The following NTNG2 variants were observed in gnomAD, a reference collection of about 807,000 sequenced individuals.
NTNG2 encodes the protein netrin-G2.
NTNG2 carries 15 observed loss-of-function variants against 47.6 expected under a neutral mutation model. The observed-to-expected ratio is 0.32, with a 90% CI of 0.21 to 0.49. NTNG2 has a LOEUF of 0.49. Ranked by LOEUF, NTNG2 falls within the 20% of genes least tolerant of loss-of-function variation. The pLI is 0.99. For synonymous variants in NTNG2, 307 were observed against 324.6 expected (o/e 0.95, Z 0.58); for missense variants, 578 against 764.6 (o/e 0.76, Z 2.88).
chr9:132,242,836 CACGGCCTGTTTTCTTTCTGTGTTGGGG>C lies in NTNG2; in HGVS notation c.*730_*756del, dbSNP rs946459782. On this transcript the variant is annotated 3_prime_UTR_variant, in exon 8 of 8. Coordinates refer to ENST00000393229, the MANE Select transcript of NTNG2 (RefSeq NM_032536.4). This position sits in a 1 kb window ranked among gnomAD's most constrained non-coding sequence, Gnocchi z 5.9. ...TAAAGAGTTTGCTCACTGCTGCCTC[CACGGCCTGTTTTCTTTCTGTGTTGGGG>C]ACGGTGGGCAGGTGTGGGGCTTACA... 6.6e-6 allele frequency: 1 copy of C among 152,350 alleles called. No individual in the cohort carries two copies. The highest frequency in any genetic ancestry group is 1.5e-5 in the Non-Finnish European group (1 of 68,124). The allele number at this position is 152,350 out of a possible 1,614,324, so 9.4% of individuals were successfully genotyped here.
At chr9:132,232,902 G>A (rs1259792016) in intron 5 of NTNG2, 4 of 152,398 alleles carry the variant, frequency 2.6e-5, no homozygotes, top group Non-Finnish European at 5.9e-5. Context: ...CCCAGACAGG[G>A]GCAAATGCTG....
intron 2 of NTNG2, among the ~76,000 whole-genome samples, chr9:132,173,230 C>G (rs1314772193): frequency 6.6e-6 from 1 of 152,236 alleles, no homozygotes; most frequent in Non-Finnish European, 1.5e-5. Flanking sequence ...CACTCAGTCT[C>G]TTGAAATGCC....
intron 3 of NTNG2, among the ~76,000 whole-genome samples, chr9:132,203,391 A>T (rs75624134): frequency 0.047 from 7,089 of 152,162 alleles, 459 homozygotes; most frequent in African/African-American, 0.14. Flanking sequence ...AATGAGAAGA[A>T]GATAATGTAC....
chr9:132,213,854 A>G (rs552661450), intron 3 of NTNG2, among the ~76,000 whole-genome samples: 4 of 152,322 alleles, frequency 2.6e-5, no homozygotes, highest in Non-Finnish European at 4.4e-5. Flanking sequence ...CACGACATGT[A>G]ATAATGTGGG....
chr9:132,189,062 GC>G (rs1564399008), intron 2 of NTNG2, among the ~76,000 whole-genome samples: 2 of 87,262 alleles, frequency 2.3e-5, no homozygotes, highest in Admixed American at 1.1e-4. Flanking sequence ...AAGGCTTTAA[GC>G]CTTTCTTTTT....
At chr9:132,217,111 C>A (rs1026072968) in intron 3 of NTNG2, among the ~76,000 whole-genome samples, 2 of 152,172 alleles carry the variant, frequency 1.3e-5, no homozygotes, top group East Asian at 3.8e-4. Flanking sequence ...CAGCCCTGGC[C>A]CTTGACCCAT....
chr9:132,200,448 G>A (rs1838658523), intron 3 of NTNG2, among the ~76,000 whole-genome samples: 1 of 152,246 alleles, frequency 6.6e-6, no homozygotes, highest in Admixed American at 6.5e-5. Context: ...TATATAATAT[G>A]CCTTGTATAT....
rs1022910416 is a variant in NTNG2, at chr9:132,174,506, G to A, written c.213+7462G>A. On this transcript the variant is annotated intron_variant, in intron 2 of 7. Transcript: ENST00000393229. ...TGGGATAAGTCCCTTGTGACCCTGAGCCTTGGTTTTCTCATCTGAAACTGG... is the reference window on the plus strand; with the variant it reads ...TGGGATAAGTCCCTTGTGACCCTGAACCTTGGTTTTCTCATCTGAAACTGG... Among the ~76,000 whole-genome samples, 6 of 152,194 alleles carry A rather than the reference G, an allele frequency of 3.9e-5. No homozygotes were observed. In the South Asian group the frequency reaches 1.2e-3, roughly 32 times the overall value.
At chr9:132,170,996 A>G (rs1461659127) in intron 2 of NTNG2, among the ~76,000 whole-genome samples, 2 of 152,098 alleles carry the variant, frequency 1.3e-5, no homozygotes, top group Non-Finnish European at 2.9e-5. Context: ...GAGGAGAGGC[A>G]TTGCTGAGGG....
intron 1 of NTNG2, among the ~76,000 whole-genome samples, chr9:132,165,580 C>T (rs1835453130): frequency 6.6e-6 from 1 of 152,200 alleles, no homozygotes; most frequent in Non-Finnish European, 1.5e-5. Context: ...TCATGGTTGG[C>T]CAGCACGTGG....
intron 2 of NTNG2, among the ~76,000 whole-genome samples, chr9:132,192,948 G>A (rs1838009822): frequency 6.6e-6 from 1 of 152,230 alleles, no homozygotes; most frequent in Non-Finnish European, 1.5e-5. Flanking sequence ...GGGCCGGAGT[G>A]CCCCATAGGT....
intron 2 of NTNG2, among the ~76,000 whole-genome samples, chr9:132,167,454 G>A (rs1835579925): frequency 6.6e-6 from 1 of 152,216 alleles, no homozygotes; most frequent in African/African-American, 2.4e-5. Context: ...CCTTTCTGTG[G>A]TGCAACCTCT....
At chr9:132,190,653 T>C (rs1298980947) in intron 2 of NTNG2, among the ~76,000 whole-genome samples, 1 of 152,256 alleles carries the variant, frequency 6.6e-6, no homozygotes, top group Non-Finnish European at 1.5e-5. Flanking sequence ...TTGCCTATGA[T>C]GTTTACAACC....
intron 3 of NTNG2, among the ~76,000 whole-genome samples, chr9:132,214,521 G>C (rs975919094): frequency 1.5e-4 from 23 of 152,228 alleles, no homozygotes; most frequent in African/African-American, 5.5e-4. Context: ...TAACAGTTGT[G>C]GTCTCCAGGG....
rs1838490000 is a variant in NTNG2, at chr9:132,198,493, C to T, written c.741C>T (p.Phe247=). 2 of 1,610,180 alleles carry T rather than the reference C, an allele frequency of 1.2e-6. No individual in the cohort carries two copies. Among genetic ancestry groups the T allele is most frequent in the Admixed American group, 1.7e-5 (1 of 59,902 alleles). Residue 247 remains phenylalanine, a synonymous_variant, in exon 3 of 8, where the codon TTC becomes TTT. Transcript: ENST00000393229. ...GCGCCAAGGGCCTCAAGGAGTTCTT[C>T]ACCCTCACCGACCTGCGCATGCGGC... is the stretch of plus-strand genomic sequence containing the variant. ...LESAKGLKEF[F]TLTDLRMRLL... is the part of the protein sequence containing the mutation.
chr9:132,237,284 C>G (rs1841698543), intron 5 of NTNG2, among the ~76,000 whole-genome samples: 1 of 152,244 alleles, frequency 6.6e-6, no homozygotes, highest in Non-Finnish European at 1.5e-5. Flanking sequence ...AGGGGCCTCT[C>G]CCTCCCTCAC....
chr9:132,200,561 G>T (rs987296268), intron 3 of NTNG2, among the ~76,000 whole-genome samples: 1 of 152,274 alleles, frequency 6.6e-6, no homozygotes, highest in Non-Finnish European at 1.5e-5. Flanking sequence ...CCAGCCATGT[G>T]CTGTGGTGAT....
intron 5 of NTNG2, among the ~76,000 whole-genome samples, chr9:132,238,092 C>T (rs1013487300): frequency 8.8e-4 from 107 of 121,750 alleles, no homozygotes; most frequent in Non-Finnish European, 7.3e-4. Context: ...AGAGGGTGGC[C>T]GTTGTCCTTC....
intron 2 of NTNG2, among the ~76,000 whole-genome samples, chr9:132,167,977 C>T (rs552388896): frequency 6.6e-6 from 1 of 152,330 alleles, no homozygotes; most frequent in African/African-American, 2.4e-5. Context: ...AGAGCACACA[C>T]TCCTAGGGTC....
Sources: gnomAD v4.1 joint callset for allele counts (sites outside exome capture counted in the v4.1 genomes callset) on GRCh38, gnomAD v4.1.1 for gene constraint, Gnocchi (gnomAD v3.1) non-coding constraint, MANE v1.5 for transcripts, NCBI Gene and HGNC (gene_info 2026-07-23, HGNC 2026-07-21) for gene names.